Variants in TET2 observed in about 807,000 individuals in gnomAD.
The protein encoded by TET2 is tet methylcytosine dioxygenase 2.
In TET2, 299 loss-of-function variants were observed where a neutral mutation model predicts 142.9. That is an observed-to-expected ratio of 2.09 (90% CI 1.90 to 2.30). The LOEUF is 2.30. Among genes scored for constraint, TET2 ranks in the 30% most tolerant of loss-of-function variants. TET2 has a pLI of 0.00. For synonymous variants in TET2, 819 were observed against 849.0 expected, an observed-to-expected ratio of 0.96 and a Z score of 0.61; for missense variants, 2,418 against 2,378.0, an observed-to-expected ratio of 1.02 and a Z score of -0.35.
At chr4:105,204,059 C>T (rs942793107) in intron 2 of TET2, among the ~76,000 whole-genome samples, 2 of 151,800 alleles carry the variant, frequency 1.3e-5, no homozygotes, top group South Asian at 2.1e-4. Flanking sequence ...ATTAGCCAGG[C>T]GTAGTGGCAA....
rs991110165 is a variant in TET2 at position 105,279,248 on chromosome 4, T to C, written c.*2729T>C. ...TTGATTTCTGTGTCACCTACTGTCA[T>C]TTGTTAAACTGCTGGCCAACAAGAA... On this transcript the variant is annotated 3_prime_UTR_variant, in exon 11 of 11. Transcript: ENST00000380013. 2 of 232,230 alleles carry C rather than the reference T, an allele frequency of 8.6e-6. No homozygotes were observed. The highest frequency in any genetic ancestry group is 1.7e-5 in the Non-Finnish European group (2 of 117,466). The allele number at this position is 232,230 out of a possible 1,614,324, so 14.4% of individuals were successfully genotyped here.
chr4:105,220,545 C>G (rs1286614850), intron 2 of TET2, among the ~76,000 whole-genome samples: 2 of 152,144 alleles, frequency 1.3e-5, no homozygotes, highest in African/African-American at 4.8e-5. Context: ...CTCCCCTCCC[C>G]CTCTACCGTG....
intron 8 of TET2, among the ~76,000 whole-genome samples, chr4:105,265,021 G>A (rs1398896068): frequency 3.3e-5 from 5 of 152,092 alleles, no homozygotes; most frequent in African/African-American, 9.7e-5. Context: ...TCCTTTCTTC[G>A]TGTCTATCCA....
At chr4:105,227,793 T>A (rs554060116) in intron 2 of TET2, among the ~76,000 whole-genome samples, 2 of 152,288 alleles carry the variant, frequency 1.3e-5, no homozygotes, top group South Asian at 2.1e-4. Context: ...AACTTTTCTT[T>A]GCAATCATTT....
At chr4:105,228,298 G>T (rs1457732754) in intron 2 of TET2, among the ~76,000 whole-genome samples, 1 of 151,998 alleles carries the variant, frequency 6.6e-6, no homozygotes, top group Admixed American at 6.5e-5. Context: ...TAACTTTCCT[G>T]CCCTTCTTGT....
rs139294824 is a variant in TET2 at position 105,226,787 on chromosome 4, C to G, written c.-46-7110C>G. ...TTGCCTCCTATACAGCCTGCAGAAC[C>G]ATGAGCCAATTAAACCTATTTTCTT... On this transcript the variant is annotated intron_variant, in intron 2 of 10. Coordinates refer to ENST00000380013, the MANE Select transcript of TET2 (RefSeq NM_001127208.3). Among the ~76,000 whole-genome samples, 396 of 152,222 alleles carry G rather than the reference C, an allele frequency of 2.6e-3. 2 individuals are homozygous for G. Among genetic ancestry groups the G allele is most frequent in the South Asian group, 0.018 (89 of 4,826 alleles).
At chr4:105,162,275 T>C (rs1230874448) in intron 1 of TET2, among the ~76,000 whole-genome samples, 1 of 152,182 alleles carries the variant, frequency 6.6e-6, no homozygotes, top group Non-Finnish European at 1.5e-5. Flanking sequence ...AGCTTTCATA[T>C]TTACACACAG....
chr4:105,164,530 T>C (rs1724051905), intron 1 of TET2, among the ~76,000 whole-genome samples: 1 of 152,260 alleles, frequency 6.6e-6, no homozygotes, highest in South Asian at 2.1e-4. Flanking sequence ...GTTGAGCATC[T>C]ATGTATCAGG....
At chr4:105,251,953 C>T (rs1729888526) in intron 6 of TET2, among the ~76,000 whole-genome samples, 1 of 152,166 alleles carries the variant, frequency 6.6e-6, no homozygotes, top group Non-Finnish European at 1.5e-5. Context: ...CATGCTGCCC[C>T]TGTATGTGCA....
In TET2 at chr4:105,278,793, T is replaced by C. The variant is rs979582331; in HGVS notation, c.*2274T>C. The C allele has an allele frequency of 1.1e-4, 26 of 232,870 alleles. No individual in the cohort carries two copies. The highest frequency in any genetic ancestry group is 2.1e-4 in the Non-Finnish European group (25 of 117,922). The allele number at this position is 232,870 out of a possible 1,614,324, so 14.4% of individuals were successfully genotyped here. A position where few individuals can be genotyped will look rare whatever the true frequency, so the allele number is the denominator to read the frequency against. On this transcript the variant is annotated 3_prime_UTR_variant, in exon 11 of 11. Coordinates refer to ENST00000380013, the MANE Select transcript of TET2 (RefSeq NM_001127208.3). ...AAGGGAAAAATTGTAAGGCAGGAGT[T>C]TGGCAAGTGGCTGTTGGCCAGAGAC...
chr4:105,254,480 C>T (rs1398450238), intron 6 of TET2, among the ~76,000 whole-genome samples: 8 of 152,146 alleles, frequency 5.3e-5, no homozygotes, highest in Admixed American at 5.2e-4. Context: ...AGTATGATCT[C>T]AGCTCACTGC....
chr4:105,214,419 A>G lies in TET2; in HGVS notation c.-46-19478A>G, dbSNP rs1447317831. 3.8e-5 allele frequency among the ~76,000 whole-genome samples: 5 copies of G among 131,708 alleles called. No individual in the cohort carries two copies. The East Asian group carries it at 1.1e-3, about 29-fold the overall frequency. The allele number at this position is 131,708 out of a possible 152,430, so 86.4% of individuals were successfully genotyped here. A position where few individuals can be genotyped will look rare whatever the true frequency, so the allele number is the denominator to read the frequency against. On this transcript the variant is annotated intron_variant, in intron 2 of 10. Coordinates refer to ENST00000380013, the MANE Select transcript of TET2 (RefSeq NM_001127208.3). Reference sequence around the variant, plus strand: ...CCTCCTAGGTTCAAGCAATCCTCCCATCTCAGCCTCCCAAGTACCTGGGAC... The same window carrying G: ...CCTCCTAGGTTCAAGCAATCCTCCCGTCTCAGCCTCCCAAGTACCTGGGAC...
intron 1 of TET2, among the ~76,000 whole-genome samples, chr4:105,152,986 T>C (rs1723383406): frequency 6.6e-6 from 1 of 152,192 alleles, no homozygotes. Context: ...TTTCCTTACA[T>C]TTAATTTCTA....
At chr4:105,265,689 A>G (rs1421665592) in intron 8 of TET2, among the ~76,000 whole-genome samples, 1 of 152,228 alleles carries the variant, frequency 6.6e-6, no homozygotes, top group East Asian at 1.9e-4. Context: ...ATGCAAGTTC[A>G]TCTTCTAGCC....
rs546863679 is a variant in TET2, at chr4:105,180,688, G to A, written c.-192-9672G>A. ...ACAGTCTCACTCTGTTGCCCAGGCT[G>A]GGATGCAGAAGCACGATCTTGCCTC... On this transcript the variant is annotated intron_variant, in intron 1 of 10. Transcript: ENST00000380013. Among the ~76,000 whole-genome samples, 4 of 151,480 alleles carry A rather than the reference G, an allele frequency of 2.6e-5. No homozygotes were observed. The South Asian group carries it at 8.3e-4, about 32-fold the overall frequency.
intron 1 of TET2, among the ~76,000 whole-genome samples, chr4:105,166,724 C>T (rs546604064): frequency 2.0e-5 from 3 of 151,966 alleles, no homozygotes; most frequent in Non-Finnish European, 4.4e-5. Context: ...GTGATTAGAA[C>T]CATAAATTCA....
chr4:105,253,367 C>G (rs1729964792), intron 6 of TET2, among the ~76,000 whole-genome samples: 1 of 151,900 alleles, frequency 6.6e-6, no homozygotes, highest in Admixed American at 6.6e-5. Context: ...TTGCATTTTC[C>G]CCATATAGAC....
chr4:105,243,722 C>A lies in TET2; in HGVS notation c.3747C>A (p.Thr1249=), dbSNP rs781551996. ...SLADKLYSEL[T]ETLRKYGTLT... is the part of the protein sequence containing the mutation. ...CTGACAAACTCTACTCGGAGCTTACCGAGACGCTGAGGAAATACGGCACGC... is the reference window on the plus strand; with the variant it reads ...CTGACAAACTCTACTCGGAGCTTACAGAGACGCTGAGGAAATACGGCACGC... The change falls in exon 6 of 11, where the codon ACC becomes ACA. Residue 1249 remains threonine, a synonymous_variant. Coordinates refer to ENST00000380013, the MANE Select transcript of TET2 (RefSeq NM_001127208.3). 1 of 1,551,444 alleles carries A rather than the reference C, an allele frequency of 6.4e-7. No homozygotes were observed. Among genetic ancestry groups the A allele is most frequent in the East Asian group, 2.4e-5 (1 of 40,918 alleles).
At chr4:105,269,369 G>A (rs987798918) in intron 8 of TET2, among the ~76,000 whole-genome samples, 6 of 152,080 alleles carry the variant, frequency 3.9e-5, no homozygotes, top group Non-Finnish European at 7.4e-5. Flanking sequence ...CTTTATTTTG[G>A]TTGTGACAAA....
Sources: gnomAD v4.1 joint callset for allele counts (sites outside exome capture counted in the v4.1 genomes callset) on GRCh38, gnomAD v4.1.1 for gene constraint, MANE v1.5 for transcripts, NCBI Gene and HGNC (gene_info 2026-07-23, HGNC 2026-07-21) for gene names.